The following GLCE variants were observed in gnomAD, a reference collection of about 807,000 sequenced individuals.
GLCE encodes D-glucuronyl C5-epimerase.
GLCE carries 19 observed loss-of-function variants against 47.9 expected under a neutral mutation model. That is an observed-to-expected ratio of 0.40 (90% confidence interval 0.28 to 0.58). GLCE has a LOEUF of 0.58. GLCE is among the 20% of genes least tolerant of loss of function. The pLI, the probability that GLCE is intolerant of heterozygous loss-of-function variation, is 0.48. For missense variants in GLCE, 556 were observed against 743.3 expected (o/e 0.75, Z 2.93); for synonymous variants, 245 against 263.4 (o/e 0.93, Z 0.68).
At chr15:69,209,791 C>T (rs2052203694) in intron 1 of GLCE, among the ~76,000 whole-genome samples, 1 of 152,086 alleles carries the variant, frequency 6.6e-6, no homozygotes, top group East Asian at 1.9e-4. Context: ...ATATTCAGGG[C>T]CAAGTGGCAG....
At chr15:69,230,374 G>C (rs2052506634) in intron 2 of GLCE, among the ~76,000 whole-genome samples, 1 of 152,148 alleles carries the variant, frequency 6.6e-6, no homozygotes, top group African/African-American at 2.4e-5. Context: ...AGTTTACCAA[G>C]AGTATATAGT....
intron 3 of GLCE, among the ~76,000 whole-genome samples, chr15:69,260,252 G>GT (rs34911776): frequency 0.035 from 2,745 of 78,890 alleles, 97 homozygotes; most frequent in East Asian, 0.082. Flanking sequence ...GTCACAACTG[G>GT]TTTTTTTTTT....
intron 1 of GLCE, among the ~76,000 whole-genome samples, chr15:69,187,500 A>G (rs2051841642): frequency 6.6e-6 from 1 of 152,192 alleles, no homozygotes; most frequent in South Asian, 2.1e-4. Flanking sequence ...CAAAATTACT[A>G]TAATGGAGAA....
At chr15:69,190,133 A>G (rs1478151506) in intron 1 of GLCE, among the ~76,000 whole-genome samples, 1 of 151,984 alleles carries the variant, frequency 6.6e-6, no homozygotes, top group Non-Finnish European at 1.5e-5. Flanking sequence ...TTCTAATATA[A>G]TTTTATTGTG....
chr15:69,244,775 G>A (rs1027586320), intron 2 of GLCE, among the ~76,000 whole-genome samples: 16 of 152,074 alleles, frequency 1.1e-4, no homozygotes, highest in South Asian at 2.1e-4. Flanking sequence ...TTAAGTTCTC[G>A]TCTTGGCTTT....
intron 2 of GLCE, among the ~76,000 whole-genome samples, chr15:69,214,719 G>A (rs932078985): frequency 6.6e-6 from 1 of 151,956 alleles, no homozygotes; most frequent in Non-Finnish European, 1.5e-5. Flanking sequence ...GCACCACAGG[G>A]ATTATTCTAG....
At chr15:69,241,065 C>T (rs894676956) in intron 2 of GLCE, among the ~76,000 whole-genome samples, 2 of 152,124 alleles carry the variant, frequency 1.3e-5, no homozygotes, top group East Asian at 1.9e-4. Flanking sequence ...AAATCATCAT[C>T]GTCGTCGTCA....
chr15:69,188,636 T>C (rs2140349546), intron 1 of GLCE, among the ~76,000 whole-genome samples: 1 of 152,346 alleles, frequency 6.6e-6, no homozygotes, highest in Middle Eastern at 3.4e-3. Flanking sequence ...GTGAGCTTTA[T>C]AATTTGTCTT....
At chr15:69,210,066 T>A (rs568557671) in intron 1 of GLCE, among the ~76,000 whole-genome samples, 10 of 152,062 alleles carry the variant, frequency 6.6e-5, no homozygotes. Flanking sequence ...AGCTTTCCAT[T>A]TGGGCTGTAT....
At chr15:69,188,233 A>G (rs549260327) in intron 1 of GLCE, among the ~76,000 whole-genome samples, 35 of 152,318 alleles carry the variant, frequency 2.3e-4, no homozygotes, top group African/African-American at 8.4e-4. Flanking sequence ...CTCCGTCTCA[A>G]AACAAAAACA....
Position 69,268,217 on chromosome 15 carries a change from C to T in GLCE, c.830-3C>T, listed in dbSNP as rs1484415890. On this transcript the variant is annotated splice_polypyrimidine_tract_variant and splice_region_variant and intron_variant, in intron 4 of 4. Transcript: ENST00000261858. Reference sequence around the variant, plus strand: ...GTCTTTGTTGGTATATTCTCCCCTACAGAAACCAGTGAAGGTGTATCCTTG... The same window carrying T: ...GTCTTTGTTGGTATATTCTCCCCTATAGAAACCAGTGAAGGTGTATCCTTG... 6 of 1,577,368 alleles carry T rather than the reference C, an allele frequency of 3.8e-6. No homozygotes were observed. Among genetic ancestry groups the T allele is most frequent in the Non-Finnish European group, 5.2e-6 (6 of 1,160,686 alleles).
At chr15:69,213,522 CAGCACACAAT>C (rs1353833456) in intron 2 of GLCE, among the ~76,000 whole-genome samples, 1 of 152,114 alleles carries the variant, frequency 6.6e-6, no homozygotes, top group Non-Finnish European at 1.5e-5. Flanking sequence ...GTGCCTTTCT[CAGCACACAAT>C]ATCAGAAGCC....
intron 3 of GLCE, among the ~76,000 whole-genome samples, chr15:69,259,483 C>T (rs1466403164): frequency 2.6e-5 from 4 of 152,110 alleles, no homozygotes; most frequent in Non-Finnish European, 5.9e-5. Context: ...CATTTTTTTA[C>T]GTTTAACTTT....
chr15:69,261,389 C>A (rs8023271), intron 4 of GLCE, 60 bp downstream of exon 4: 181,339 of 1,514,458 alleles, frequency 0.12, 11,220 homozygotes, highest in East Asian at 0.17. Context: ...CCCTGATAGT[C>A]CCTTAAAATT....
chr15:69,189,535 C>T (rs191106090), intron 1 of GLCE, among the ~76,000 whole-genome samples: 1 of 152,254 alleles, frequency 6.6e-6, no homozygotes, highest in Non-Finnish European at 1.5e-5. Flanking sequence ...TCATTTGGGT[C>T]ACTACCAAGG....
At chr15:69,190,101 T>G (rs933372055) in intron 1 of GLCE, among the ~76,000 whole-genome samples, 40 of 152,074 alleles carry the variant, frequency 2.6e-4, no homozygotes, top group Non-Finnish European at 5.3e-4. Context: ...GATTTTTTTT[T>G]AGATGTTTTT....
rs138372159 is a variant in GLCE at position 69,213,865 on chromosome 15, C to G, written c.-14+3459C>G. Among the ~76,000 whole-genome samples the G allele has an allele frequency of 3.0e-3, 453 of 152,210 alleles. 3 individuals carry two copies. Among genetic ancestry groups the G allele is most frequent in the African/African-American group, 0.01 (433 of 41,546 alleles). On this transcript the variant is annotated intron_variant, in intron 2 of 4. Transcript: ENST00000261858. ...CCCTGCTCACATTTATTTACTTAAT[C>G]ATTTACTTATATCAGTGTGAACTCA...
intron 3 of GLCE, among the ~76,000 whole-genome samples, chr15:69,257,285 T>A (rs1314415836): frequency 6.6e-6 from 1 of 152,204 alleles, no homozygotes; most frequent in Non-Finnish European, 1.5e-5. Context: ...TTTACATATC[T>A]GATGCAGGAG....
At chr15:69,199,101 A>G (rs930743105) in intron 1 of GLCE, among the ~76,000 whole-genome samples, 9 of 152,156 alleles carry the variant, frequency 5.9e-5, no homozygotes, top group Non-Finnish European at 1.0e-4. Context: ...TTGGTTTGAG[A>G]CTGTATACAG....
Sources: gnomAD v4.1 joint callset for allele counts (sites outside exome capture counted in the v4.1 genomes callset) on GRCh38, gnomAD v4.1.1 for gene constraint, MANE v1.5 for transcripts, NCBI Gene and HGNC (gene_info 2026-07-23, HGNC 2026-07-21) for gene names.